The following LNPEP variants were observed in gnomAD, a reference collection of about 807,000 sequenced individuals.
LNPEP encodes the protein leucyl-cystinyl aminopeptidase.
A neutral mutation model predicts 120.6 loss-of-function variants in LNPEP; 64 were observed. The ratio of observed to expected loss-of-function variants is 0.53; its 90% CI spans 0.43 to 0.65. The LOEUF (loss-of-function observed/expected upper bound fraction) is 0.65, where lower values mean the gene tolerates loss of function less well. Among genes scored for constraint, LNPEP ranks in the 30% least tolerant of loss-of-function variants. The probability of loss-of-function intolerance (pLI) is 0.00; values close to 1 mark genes in which losing one functional copy is unlikely to be tolerated. For synonymous variants in LNPEP, 435 were observed against 425.4 expected (o/e 1.02, Z -0.28); for missense variants, 1,057 against 1,200.0 (o/e 0.88, Z 1.76).
In LNPEP at chr5:96,979,799, C is replaced by G; in HGVS notation, c.681C>G (p.Ser227Arg). Reference protein sequence around the residue: ...SRVTFMSAVSSQEKQAEILEY... With the variant: ...SRVTFMSAVSRQEKQAEILEY... ...TGACCTTTATGTCAGCAGTTTCAAGCCAAGAAAAACAAGCTGAGATCCTGG... is the reference window on the plus strand; with the variant it reads ...TGACCTTTATGTCAGCAGTTTCAAGGCAAGAAAAACAAGCTGAGATCCTGG... The change falls in exon 2 of 18, where the codon AGC becomes AGG. Residue 227 changes from serine (S) to arginine (R), a missense_variant. By Grantham distance (110) the Ser-to-Arg change is moderately radical (BLOSUM62 -1). Transcript: ENST00000231368. The G allele has an allele frequency of 6.2e-7, 1 of 1,613,912 alleles. No homozygotes were observed. Among genetic ancestry groups the G allele is most frequent in the Middle Eastern group, 1.7e-4 (1 of 6,058 alleles).
At chr5:96,998,662 G>A (rs748633329) in intron 8 of LNPEP, among the ~76,000 whole-genome samples, 21 of 152,142 alleles carry the variant, frequency 1.4e-4, no homozygotes, top group Middle Eastern at 3.2e-3. Flanking sequence ...TAGTGATAAC[G>A]GTGTCATTCA....
chr5:97,017,793 A>G (rs1484753826), intron 13 of LNPEP, among the ~76,000 whole-genome samples: 1 of 152,194 alleles, frequency 6.6e-6, no homozygotes, highest in Non-Finnish European at 1.5e-5. Flanking sequence ...ACAGAAATTT[A>G]TTCTCTCATA....
At chr5:96,951,601 C>A (rs934288947) in intron 1 of LNPEP, among the ~76,000 whole-genome samples, 1 of 151,186 alleles carries the variant, frequency 6.6e-6, no homozygotes, top group Non-Finnish European at 1.5e-5. Context: ...GTGTCGGGGG[C>A]GGGATGGGGG....
chr5:97,028,121 A>C (rs901144861), intron 17 of LNPEP, among the ~76,000 whole-genome samples: 20 of 146,018 alleles, frequency 1.4e-4, no homozygotes, highest in African/African-American at 4.9e-4. Flanking sequence ...TTTGGACTCT[A>C]CTTTATTTAT....
At chr5:97,005,740 C>A (rs183977526) in intron 9 of LNPEP, among the ~76,000 whole-genome samples, 1 of 152,126 alleles carries the variant, frequency 6.6e-6, no homozygotes, top group Admixed American at 6.5e-5. Context: ...ATACTTATAC[C>A]TTCTTAGGGA....
chr5:96,972,433 C>CTCTA (rs1789889209), intron 1 of LNPEP, among the ~76,000 whole-genome samples: 1 of 152,064 alleles, frequency 6.6e-6, no homozygotes, highest in South Asian at 2.1e-4. Context: ...ACTGCTTGAC[C>CTCTA]TCTAGTATTT....
chr5:97,019,347 A>C (rs1294661739), intron 13 of LNPEP, among the ~76,000 whole-genome samples: 1 of 152,168 alleles, frequency 6.6e-6, no homozygotes, highest in Non-Finnish European at 1.5e-5. Context: ...CTAAAAGGGA[A>C]AGGTAATTTG....
At position 96,993,021 on chromosome 5, in the gene LNPEP, A is replaced by G. The variant is rs145310631; in HGVS notation, c.1138A>G (p.Ile380Val). ...SQDVNGTLVS[I>V]YAVPEKIGQV... ...ACATAATGTTTTCCTTTAGGTTTCT[A>G]TATATGCTGTACCAGAAAAGATTGG... The change falls in exon 5 of 18, where the codon ATA becomes GTA. Residue 380 changes from isoleucine to valine, a missense_variant. Physicochemically the swap from Ile to Val is conservative, Grantham distance 29. Coordinates refer to ENST00000231368, the MANE Select transcript of LNPEP (RefSeq NM_005575.3). 13 of 1,586,706 alleles carry G rather than the reference A, an allele frequency of 8.2e-6. No homozygotes were observed. The highest frequency in any genetic ancestry group is 8.1e-5 in the African/African-American group (6 of 73,634).
Position 96,980,012 on chromosome 5 carries a change from G to A in LNPEP, c.860+34G>A, listed in dbSNP as rs557283590. On this transcript the variant is annotated intron_variant, in intron 2 of 17. Transcript: ENST00000231368. Reference sequence around the variant, plus strand: ...CCCTCTTAAATGATTCTGGTTTTACGCTCTGATAACTTCTGCAATATAGAT... The same window carrying A: ...CCCTCTTAAATGATTCTGGTTTTACACTCTGATAACTTCTGCAATATAGAT... 4.5e-6 allele frequency: 7 copies of A among 1,539,842 alleles called. No individual in the cohort carries two copies. In the African/African-American group the frequency reaches 5.5e-5, roughly 12 times the overall value.
At chr5:97,014,164 C>A (rs938870996) in intron 12 of LNPEP, among the ~76,000 whole-genome samples, 1 of 152,128 alleles carries the variant, frequency 6.6e-6, no homozygotes, top group Non-Finnish European at 1.5e-5. Flanking sequence ...TTGGTTTAAG[C>A]ATGAAGCTTA....
At chr5:96,994,316 A>G (rs999528352) in intron 6 of LNPEP, among the ~76,000 whole-genome samples, 2 of 152,200 alleles carry the variant, frequency 1.3e-5, no homozygotes, top group South Asian at 2.1e-4. Context: ...AAGAGCCACT[A>G]TCTCTTCAAG....
At chr5:97,023,213 G>A (rs1456032516) in intron 14 of LNPEP, among the ~76,000 whole-genome samples, 1 of 151,774 alleles carries the variant, frequency 6.6e-6, no homozygotes, top group Non-Finnish European at 1.5e-5. Context: ...CGTCTTCAAG[G>A]TTCTTCCATG....
chr5:96,996,693 T>C (rs1182805554), intron 7 of LNPEP, among the ~76,000 whole-genome samples, 190 bp downstream of exon 7: 1 of 152,190 alleles, frequency 6.6e-6, no homozygotes, highest in Non-Finnish European at 1.5e-5. Flanking sequence ...TATTTACTGA[T>C]GTGTTTCATT....
In LNPEP at chr5:97,022,421, G is replaced by A. The variant is rs537024796; in HGVS notation, c.2498G>A (p.Gly833Glu). ...LLEFACTHNLGNCSTTAMKLF... is the reference protein window; with the variant it reads ...LLEFACTHNLENCSTTAMKLF... The stretch of plus-strand genomic sequence containing the variant: ...GAGTTTGCTTGCACCCACAACCTGG[G>A]GAACTGCTCTACTACTGCCATGAAA... The change falls in exon 14 of 18, where the codon GGG becomes GAG. Residue 833 changes from glycine (G) to glutamate (E), a missense_variant. Physicochemically the swap from Gly to Glu is moderately conservative, Grantham distance 98. Transcript: ENST00000231368. 11 of 1,614,074 alleles carry A rather than the reference G, an allele frequency of 6.8e-6. No homozygotes were observed. Among genetic ancestry groups the A allele is most frequent in the Non-Finnish European group, 9.3e-6 (11 of 1,179,994 alleles).
Position 97,006,500 on chromosome 5 carries a change from C to T in LNPEP, c.2020C>T (p.Leu674=). 6.5e-7 allele frequency: 1 copy of T among 1,537,920 alleles called. No individual in the cohort carries two copies. Among genetic ancestry groups the T allele is most frequent in the South Asian group, 1.1e-5 (1 of 89,280 alleles). ...NYSKYQSVSL[L]DKKSGVINLT... ...TTCAAAATATCAATCGGTATCATTA[C>T]TGGATAAGAAATCAGGTTTGACTAT... The change falls in exon 11 of 18, where the codon CTG becomes TTG. Residue 674 remains leucine, a synonymous_variant. Transcript: ENST00000231368.
chr5:97,029,290 AATTATAATTATTTT>A lies in LNPEP; in HGVS notation c.*761_*774del, dbSNP rs1791425227. 2.0e-5 allele frequency: 3 copies of A among 152,356 alleles called. No homozygotes were observed. Among genetic ancestry groups the A allele is most frequent in the Admixed American group, 2.0e-4 (3 of 15,286 alleles). The allele number at this position is 152,356 out of a possible 1,614,324, so 9.4% of individuals were successfully genotyped here. On this transcript the variant is annotated 3_prime_UTR_variant, in exon 18 of 18. Coordinates refer to ENST00000231368, the MANE Select transcript of LNPEP (RefSeq NM_005575.3). ...AACTGTTCCAAACTGAGTTAGCTTT[AATTATAATTATTTT>A]ATTCATAAATGGTGATAGTCCCCAG...
chr5:97,031,141 A>G lies in LNPEP; in HGVS notation c.*2608A>G, dbSNP rs1240671164. 1.3e-5 allele frequency: 2 copies of G among 150,988 alleles called. No individual in the cohort carries two copies. Among genetic ancestry groups the G allele is most frequent in the Non-Finnish European group, 2.9e-5 (2 of 67,850 alleles). 9.4% of individuals were successfully genotyped at this position (150,988 alleles called of 1,614,324 possible). A position where few individuals can be genotyped will look rare whatever the true frequency, so the allele number is the denominator to read the frequency against. ...TTGAACAAGTGTTCTCATTGCAGAGAGATCTACTTGAATATAAAAGGGTCA... is the reference window on the plus strand; with the variant it reads ...TTGAACAAGTGTTCTCATTGCAGAGGGATCTACTTGAATATAAAAGGGTCA... On this transcript the variant is annotated 3_prime_UTR_variant, in exon 18 of 18. Transcript: ENST00000231368.
intron 11 of LNPEP, chr5:97,011,334 G>A (rs1790922170): frequency 3.7e-6 from 1 of 273,662 alleles, no homozygotes; most frequent in African/African-American, 2.3e-5. Flanking sequence ...TTGACCTCAA[G>A]TGATACTCCT....
rs979231146 is a variant in LNPEP at position 97,029,515 on chromosome 5, G to A, written c.*982G>A. Reference sequence around the variant, plus strand: ...AACTTTCTCTCTGAATCATACCCATGTGTGAATTTTCATTTTATATGATAG... The same window carrying A: ...AACTTTCTCTCTGAATCATACCCATATGTGAATTTTCATTTTATATGATAG... On this transcript the variant is annotated 3_prime_UTR_variant, in exon 18 of 18. Transcript: ENST00000231368. 11 of 152,304 alleles carry A rather than the reference G, an allele frequency of 7.2e-5. No individual in the cohort carries two copies. The highest frequency in any genetic ancestry group is 2.7e-4 in the African/African-American group (11 of 41,436). The allele number at this position is 152,304 out of a possible 1,614,324, so 9.4% of individuals were successfully genotyped here.
Sources: allele counts gnomAD v4.1 joint callset (sites outside exome capture counted in the v4.1 genomes callset), GRCh38; gene constraint gnomAD v4.1.1; transcripts MANE v1.5; gene names NCBI Gene and HGNC (gene_info 2026-07-23, HGNC 2026-07-21).